HNRNPUL1: variants seen among roughly 807,000 people sequenced by gnomAD.
HNRNPUL1 encodes heterogeneous nuclear ribonucleoprotein U-like protein 1.
HNRNPUL1 carries 14 observed loss-of-function variants against 108.5 expected under a neutral mutation model. The observed-to-expected ratio is 0.13, with a 90% CI of 0.09 to 0.20. The LOEUF (loss-of-function observed/expected upper bound fraction) is 0.20, where lower values mean the gene tolerates loss of function less well. Ranked by LOEUF, HNRNPUL1 falls within the 10% of genes least tolerant of loss-of-function variation. The pLI, the probability that HNRNPUL1 is intolerant of heterozygous loss-of-function variation, is 1.00. For missense variants in HNRNPUL1, 804 were observed against 1,168.3 expected, an observed-to-expected ratio of 0.69 and a Z score of 4.55; for synonymous variants, 422 against 445.2, an observed-to-expected ratio of 0.95 and a Z score of 0.66.
At chr19:41,269,297 C>G (rs1432093422) in intron 2 of HNRNPUL1, among the ~76,000 whole-genome samples, 1 of 151,310 alleles carries the variant, frequency 6.6e-6, no homozygotes, top group Non-Finnish European at 1.5e-5. Context: ...GAGACCCCTT[C>G]TCTACAAAAA....
In HNRNPUL1 at chr19:41,272,249, G is replaced by A; in HGVS notation, c.572+14G>A. ...AGAGGATAGGAGGTGGGTGTATGAG[G>A]CAGCAGTCACCCTTGCTCTGGTAGG... On this transcript the variant is annotated intron_variant, in intron 3 of 14. Transcript: ENST00000392006. 6.2e-7 allele frequency: 1 copy of A among 1,611,578 alleles called. No homozygotes were observed. The highest frequency in any genetic ancestry group is 8.5e-7 in the Non-Finnish European group (1 of 1,179,242).
intron 5 of HNRNPUL1, chr19:41,276,921 A>T (rs1243589966): frequency 6.6e-6 from 1 of 152,112 alleles, no homozygotes; most frequent in Non-Finnish European, 1.5e-5. Flanking sequence ...AAGATGGTGA[A>T]ACCCTGTCTA....
At position 41,274,021 on chromosome 19, in the gene HNRNPUL1, T is replaced by C. The variant is rs750031273; in HGVS notation, c.612T>C (p.Asp204=). The change falls in exon 4 of 15, where the codon GAT becomes GAC. Residue 204 remains aspartate (D), a synonymous_variant. Coordinates refer to ENST00000392006, the MANE Select transcript of HNRNPUL1 (RefSeq NM_007040.6). ...SPQPPAEEDE[D]DFDDTLVAID... ...AGCCTCCTGCTGAAGAGGATGAAGATGACTTTGATGATACCCTTGTTGCTA... is the reference window on the plus strand; with the variant it reads ...AGCCTCCTGCTGAAGAGGATGAAGACGACTTTGATGATACCCTTGTTGCTA... 1 of 1,614,214 alleles carries C rather than the reference T, an allele frequency of 6.2e-7. No homozygotes were observed. The highest frequency in any genetic ancestry group is 8.5e-7 in the Non-Finnish European group (1 of 1,180,034).
chr19:41,280,986 T>C (rs2122643050), intron 6 of HNRNPUL1, 177 bp from the exon 7 acceptor site: 2 of 560,102 alleles, frequency 3.6e-6, no homozygotes, highest in Non-Finnish European at 6.4e-6. Flanking sequence ...CCCTCCAAGT[T>C]CTACATCATT....
rs866379796 is a variant in HNRNPUL1, at chr19:41,294,160, C to T, written c.1267-178C>T. On this transcript the variant is annotated intron_variant, in intron 8 of 14. Coordinates refer to ENST00000392006, the MANE Select transcript of HNRNPUL1 (RefSeq NM_007040.6). This position sits in a 1 kb window ranked among gnomAD's most constrained non-coding sequence, Gnocchi z 4.3. ...CTGTCCCAGGCACTGTGCTCAGAGT[C>T]TGACAAGCCTGATCTTTTTGAATCC... 2.0e-5 allele frequency among the ~76,000 whole-genome samples: 3 copies of T among 152,164 alleles called. No homozygotes were observed. The highest frequency in any genetic ancestry group is 4.4e-5 in the Non-Finnish European group (3 of 68,040).
At chr19:41,291,415 G>T (rs1275690770) in intron 7 of HNRNPUL1, among the ~76,000 whole-genome samples, 2 of 152,190 alleles carry the variant, frequency 1.3e-5, no homozygotes, top group African/African-American at 4.8e-5. Context: ...AGGCCCTGCG[G>T]TGGCTTTCCT....
intron 10 of HNRNPUL1, among the ~76,000 whole-genome samples, chr19:41,299,306 G>A (rs1366660921): frequency 6.6e-6 from 1 of 152,142 alleles, no homozygotes; most frequent in African/African-American, 2.4e-5. Flanking sequence ...CCTGGCGCGT[G>A]TTTCAGGGCC....
At chr19:41,265,290 A>G (rs1187022336) in intron 1 of HNRNPUL1, 1 of 1,331,562 alleles carries the variant, frequency 7.5e-7, no homozygotes. Flanking sequence ...GTTCTGAGGA[A>G]GGAGGATCCT....
At chr19:41,265,358 G>C in intron 1 of HNRNPUL1, 1 of 1,518,910 alleles carries the variant, frequency 6.6e-7, no homozygotes, top group Non-Finnish European at 8.8e-7. Context: ...GGGGGTGGGT[G>C]GGAGAGGTGG....
intron 1 of HNRNPUL1, 168 bp from the exon 2 acceptor site, chr19:41,268,055 G>A (rs750513052): frequency 1.2e-5 from 7 of 562,102 alleles, no homozygotes; most frequent in Middle Eastern, 4.0e-4. Context: ...CTTGTCTTCA[G>A]CTGTATCCCA....
intron 14 of HNRNPUL1, 50 bp from the exon 15 acceptor site, chr19:41,306,399 A>T (rs766547654): frequency 7.6e-7 from 1 of 1,318,950 alleles, no homozygotes; most frequent in Non-Finnish European, 1.0e-6. Flanking sequence ...GGGGAGGCTA[A>T]ATGTGTGGTG....
In HNRNPUL1 at chr19:41,305,712, T is replaced by C; in HGVS notation, c.2299T>C (p.Tyr767His). ...YSQPPYNQGG[Y>H]SQGYTAPPPP... ...CCAGCCACCCTACAACCAGGGAGGT[T>C]ACAGCCAGGGCTACACAGCCCCACC... The change falls in exon 14 of 15, where the codon TAC becomes CAC. Residue 767 changes from tyrosine (Y) to histidine (H), a missense_variant. Physicochemically the swap from Tyr to His is moderately conservative, Grantham distance 83. This residue lies in a region of HNRNPUL1 where 294 missense variants were observed against 388.3 expected (regional missense o/e 0.76). Transcript: ENST00000392006. 1 of 1,614,140 alleles carries C rather than the reference T, an allele frequency of 6.2e-7. No homozygotes were observed. Among genetic ancestry groups the C allele is most frequent in the East Asian group, 2.2e-5 (1 of 44,882 alleles).
At position 41,271,975 on chromosome 19, in the gene HNRNPUL1, A is replaced by G. The variant is rs1599771187; in HGVS notation, c.419-107A>G. On this transcript the variant is annotated intron_variant, in intron 2 of 14. Coordinates refer to ENST00000392006, the MANE Select transcript of HNRNPUL1 (RefSeq NM_007040.6). ...AGCTGCCTGTGCCCAGCCCTTCATC[A>G]CTGTAGTGAGGATCCTGCTCACATC... is the stretch of plus-strand genomic sequence containing the variant. 3 of 1,279,608 alleles carry G rather than the reference A, an allele frequency of 2.3e-6. No homozygotes were observed. The East Asian group carries it at 7.0e-5, about 30-fold the overall frequency. The allele number at this position is 1,279,608 out of a possible 1,614,324, so 79.3% of individuals were successfully genotyped here.
intron 2 of HNRNPUL1, among the ~76,000 whole-genome samples, 189 bp downstream of exon 2, chr19:41,268,534 A>C (rs111818940): frequency 0.037 from 5,684 of 152,128 alleles, 173 homozygotes; most frequent in Middle Eastern, 0.071. Flanking sequence ...GTGTTGGGAG[A>C]GGGGAGGTTC....
intron 13 of HNRNPUL1, 155 bp from the exon 14 acceptor site, chr19:41,305,521 C>G (rs1568462938): frequency 1.1e-6 from 1 of 894,718 alleles, no homozygotes; most frequent in Non-Finnish European, 1.7e-6. Context: ...GGAGCTGGCT[C>G]TCCTCCTTCT....
At position 41,292,707 on chromosome 19, in the gene HNRNPUL1, G is replaced by A. The variant is rs1381235449; in HGVS notation, c.1266+196G>A. On this transcript the variant is annotated intron_variant, in intron 8 of 14. Coordinates refer to ENST00000392006, the MANE Select transcript of HNRNPUL1 (RefSeq NM_007040.6). This position sits in a 1 kb window ranked among gnomAD's most constrained non-coding sequence, Gnocchi z 4.1. ...GAGGGGTGTTGGTGTGACCTAAGTT[G>A]AAGTCGGAGAGGCTACCTAAATCTC... Among the ~76,000 whole-genome samples, 1 of 152,086 alleles carries A rather than the reference G, an allele frequency of 6.6e-6. No homozygotes were observed. The highest frequency in any genetic ancestry group is 1.5e-5 in the Non-Finnish European group (1 of 68,012).
At chr19:41,295,756 T>C (rs188631018) in intron 10 of HNRNPUL1, among the ~76,000 whole-genome samples, 59 of 152,154 alleles carry the variant, frequency 3.9e-4, no homozygotes, top group Non-Finnish European at 3.1e-4. Context: ...CTGATAAGAG[T>C]GGAGGTGGGG....
chr19:41,300,321 ATT>A (rs71177711), intron 10 of HNRNPUL1, among the ~76,000 whole-genome samples: 3 of 145,272 alleles, frequency 2.1e-5, no homozygotes, highest in Admixed American at 6.9e-5. Context: ...TTCAGAATAC[ATT>A]TTTTTTTTTT....
chr19:41,302,985 G>T (rs372150091), intron 12 of HNRNPUL1, 36 bp downstream of exon 12: 1 of 1,506,256 alleles, frequency 6.6e-7, no homozygotes, highest in South Asian at 1.4e-5. Flanking sequence ...TCCACTTTCT[G>T]TTCCCAGGTT....
Sources: gnomAD v4.1 joint callset for allele counts (sites outside exome capture counted in the v4.1 genomes callset) on GRCh38, gnomAD v4.1.1 for gene constraint, gnomAD v4.1.1 regional missense constraint, Gnocchi (gnomAD v3.1) non-coding constraint, MANE v1.5 for transcripts, NCBI Gene and HGNC (gene_info 2026-07-23, HGNC 2026-07-21) for gene names.